Variants in SYT16 observed in about 807,000 individuals in gnomAD.
SYT16 encodes the protein synaptotagmin-16.
In SYT16, 42 loss-of-function variants were observed where a neutral mutation model predicts 61.4. The ratio of observed to expected loss-of-function variants is 0.68; its 90% CI spans 0.53 to 0.89. SYT16 has a LOEUF of 0.89. Among genes scored for constraint, SYT16 ranks in the 40% least tolerant of loss-of-function variants. The probability of loss-of-function intolerance (pLI) is 0.00; values close to 1 mark genes in which losing one functional copy is unlikely to be tolerated. For synonymous variants in SYT16, 314 were observed against 302.3 expected (o/e 1.04, Z -0.40); for missense variants, 804 against 807.3 (o/e 1.00, Z 0.05).
chr14:62,044,775 A>T (rs2054898153), intron 3 of SYT16, among the ~76,000 whole-genome samples: 1 of 152,038 alleles, frequency 6.6e-6, no homozygotes, highest in African/African-American at 2.4e-5. Flanking sequence ...GTAAGTGCTG[A>T]TAAGCATATG....
At chr14:61,868,160 G>A (rs2047219927) in intron 1 of SYT16, among the ~76,000 whole-genome samples, 1 of 151,808 alleles carries the variant, frequency 6.6e-6, no homozygotes, top group Admixed American at 6.6e-5. Context: ...CCAGAGTCTG[G>A]GAAGGGTAGT....
chr14:62,069,929 T>C (rs2056232743), intron 4 of SYT16, 114 bp downstream of exon 4: 1 of 1,195,504 alleles, frequency 8.4e-7, no homozygotes. Flanking sequence ...GAAAAGAAAA[T>C]GAGGCAGGAT....
intron 3 of SYT16, among the ~76,000 whole-genome samples, chr14:62,002,111 T>C (rs890004370): frequency 6.6e-6 from 1 of 152,152 alleles, no homozygotes; most frequent in African/African-American, 2.4e-5. Context: ...TTTTTCTTTG[T>C]TTCTTTTTTG....
chr14:62,072,766 A>G (rs759956302), intron 4 of SYT16, among the ~76,000 whole-genome samples: 7 of 152,150 alleles, frequency 4.6e-5, no homozygotes, highest in Non-Finnish European at 1.0e-4. Flanking sequence ...GGTAAGCAGA[A>G]GTCTTTGTAT....
At chr14:61,985,907 G>T (rs910343343) in intron 2 of SYT16, among the ~76,000 whole-genome samples, 1 of 152,016 alleles carries the variant, frequency 6.6e-6, no homozygotes, top group Non-Finnish European at 1.5e-5. Context: ...ATGTGTATTG[G>T]CTACCAACAG....
chr14:62,081,873 C>T (rs1166650453), intron 6 of SYT16, among the ~76,000 whole-genome samples: 2 of 152,276 alleles, frequency 1.3e-5, no homozygotes, highest in East Asian at 3.9e-4. Flanking sequence ...ACCACGTTAA[C>T]AGATCAGGGA....
Position 62,081,056 on chromosome 14 carries a change from A to G in SYT16, c.1216A>G (p.Ile406Val), listed in dbSNP as rs769151314. 3.1e-6 allele frequency: 5 copies of G among 1,613,730 alleles called. No homozygotes were observed. Among genetic ancestry groups the G allele is most frequent in the East Asian group, 2.2e-5 (1 of 44,888 alleles). ...TAAGAAACACAGGGGCAGGACGAAC[A>G]TACAGAGAGGGCCCAACCCCGTCTT... ...PGKKHRGRTN[I>V]QRGPNPVFRE... Residue 406 changes from isoleucine to valine, a missense_variant, in exon 6 of 8, where the codon ATA becomes GTA. Physicochemically the swap from Ile to Val is conservative, Grantham distance 29. Transcript: ENST00000683842.
rs748935569 is a variant in SYT16 at position 62,081,051 on chromosome 14, C to T, written c.1211C>T (p.Thr404Met). The change falls in exon 6 of 8, where the codon ACG becomes ATG. Residue 404 changes from threonine to methionine, a missense_variant. Coordinates refer to ENST00000683842, the MANE Select transcript of SYT16 (RefSeq NM_001367656.1). ...LLPGKKHRGR[T>M]NIQRGPNPVF... The stretch of plus-strand genomic sequence containing the variant: ...CCTGGTAAGAAACACAGGGGCAGGA[C>T]GAACATACAGAGAGGGCCCAACCCC... 56 of 1,613,326 alleles carry T rather than the reference C, an allele frequency of 3.5e-5. No individual in the cohort carries two copies. The highest frequency in any genetic ancestry group is 1.5e-4 in the African/African-American group (11 of 74,892).
At chr14:61,957,564 T>C (rs2050928884) in intron 1 of SYT16, among the ~76,000 whole-genome samples, 1 of 152,058 alleles carries the variant, frequency 6.6e-6, no homozygotes, top group African/African-American at 2.4e-5. Flanking sequence ...GAGATGATTA[T>C]GTGATTTTTA....
chr14:61,882,211 A>G (rs1297311707), intron 1 of SYT16, among the ~76,000 whole-genome samples: 1 of 152,224 alleles, frequency 6.6e-6, no homozygotes, highest in East Asian at 1.9e-4. Context: ...AAATAGAATG[A>G]ACAAAGGATA....
At chr14:61,903,096 G>T (rs1253853510) in intron 1 of SYT16, among the ~76,000 whole-genome samples, 1 of 152,110 alleles carries the variant, frequency 6.6e-6, no homozygotes, top group African/African-American at 2.4e-5. Flanking sequence ...GTTCTCCCTG[G>T]TGGCTCTATC....
At chr14:62,008,996 C>G (rs1438482486) in intron 3 of SYT16, among the ~76,000 whole-genome samples, 1 of 152,098 alleles carries the variant, frequency 6.6e-6, no homozygotes, top group Non-Finnish European at 1.5e-5. Flanking sequence ...TATTCTACAC[C>G]TCCTTCTTAA....
At chr14:62,030,121 T>G (rs778069995) in intron 3 of SYT16, among the ~76,000 whole-genome samples, 2 of 152,220 alleles carry the variant, frequency 1.3e-5, no homozygotes, top group African/African-American at 2.4e-5. Flanking sequence ...GTAAGATGTT[T>G]AGCTTTGTTA....
At chr14:62,067,853 G>A (rs2056126398) in intron 3 of SYT16, among the ~76,000 whole-genome samples, 2 of 152,080 alleles carry the variant, frequency 1.3e-5, no homozygotes, top group Non-Finnish European at 2.9e-5. Flanking sequence ...GGGTATGGTG[G>A]TGCATGCCTG....
chr14:62,031,952 G>C lies in SYT16; in HGVS notation c.523+35410G>C, dbSNP rs192977398. The stretch of plus-strand genomic sequence containing the variant: ...TGAACCCTAAAAGCAAGAGGCTGTA[G>C]ATACTAAAATCTAAGAAAGGCAGCA... On this transcript the variant is annotated intron_variant, in intron 3 of 7. Coordinates refer to ENST00000683842, the MANE Select transcript of SYT16 (RefSeq NM_001367656.1). Among the ~76,000 whole-genome samples the C allele has an allele frequency of 5.2e-3, 787 of 152,230 alleles. 3 individuals are homozygous for C. Among genetic ancestry groups the C allele is most frequent in the African/African-American group, 0.018 (756 of 41,556 alleles).
intron 3 of SYT16, among the ~76,000 whole-genome samples, chr14:62,038,965 A>G (rs1470307490): frequency 6.6e-6 from 1 of 152,220 alleles, no homozygotes; most frequent in African/African-American, 2.4e-5. Flanking sequence ...ACAACTTTGT[A>G]AGGCAAGGCA....
chr14:62,046,934 C>T (rs528975410), intron 3 of SYT16, among the ~76,000 whole-genome samples: 17 of 152,152 alleles, frequency 1.1e-4, no homozygotes, highest in South Asian at 2.1e-4. Flanking sequence ...CTGGGCAATG[C>T]GGGCTCTTTT....
At chr14:61,940,467 T>C (rs1196734987) in intron 1 of SYT16, among the ~76,000 whole-genome samples, 1 of 152,170 alleles carries the variant, frequency 6.6e-6, no homozygotes, top group African/African-American at 2.4e-5. Context: ...GTGATTAAAA[T>C]AGGGTCTTGA....
At chr14:62,046,521 C>T (rs1044226685) in intron 3 of SYT16, among the ~76,000 whole-genome samples, 14 of 152,190 alleles carry the variant, frequency 9.2e-5, no homozygotes, top group South Asian at 2.1e-4. Context: ...GACATGAAGT[C>T]CTTGCCCATG....
Sources: gnomAD v4.1 joint callset for allele counts (sites outside exome capture counted in the v4.1 genomes callset) on GRCh38, gnomAD v4.1.1 for gene constraint, MANE v1.5 for transcripts, NCBI Gene and HGNC (gene_info 2026-07-23, HGNC 2026-07-21) for gene names.